Variants in KLHL2 observed in about 807,000 individuals in gnomAD.
The protein encoded by KLHL2 is kelch like family member 2.
Under a neutral mutation model 75.8 loss-of-function variants are expected in KLHL2, and 15 were observed. The observed-to-expected ratio is 0.20, with a 90% CI of 0.13 to 0.30. The LOEUF (loss-of-function observed/expected upper bound fraction) is 0.30, where lower values mean the gene tolerates loss of function less well. Ranked by LOEUF, KLHL2 falls within the 10% of genes least tolerant of loss-of-function variation. The pLI is 1.00. For missense variants in KLHL2, 381 were observed against 741.0 expected, an observed-to-expected ratio of 0.51 and a Z score of 5.64; for synonymous variants, 214 against 251.9, an observed-to-expected ratio of 0.85 and a Z score of 1.42.
chr4:165,301,663 T>C (rs1305731879), intron 8 of KLHL2, among the ~76,000 whole-genome samples: 1 of 152,262 alleles, frequency 6.6e-6, no homozygotes, highest in Non-Finnish European at 1.5e-5. Context: ...TTGTTCAGTC[T>C]TGGCAGTGAG....
intron 4 of KLHL2, among the ~76,000 whole-genome samples, chr4:165,259,165 C>T (rs1000770318): frequency 5.3e-5 from 8 of 151,668 alleles, no homozygotes; most frequent in African/African-American, 1.9e-4. Context: ...TACAGTGGTC[C>T]GATCTTGGCT....
intron 1 of KLHL2, among the ~76,000 whole-genome samples, chr4:165,211,367 G>A (rs138953701): frequency 0.021 from 3,219 of 152,226 alleles, 93 homozygotes; most frequent in African/African-American, 0.072. Flanking sequence ...AAAAAACTTA[G>A]CCTTATGAAA....
intron 3 of KLHL2, among the ~76,000 whole-genome samples, chr4:165,234,212 A>C (rs1042004172): frequency 1.3e-5 from 2 of 152,252 alleles, no homozygotes; most frequent in African/African-American, 4.8e-5. Flanking sequence ...GGCCACCCAG[A>C]TCAGCTTGCC....
intron 5 of KLHL2, among the ~76,000 whole-genome samples, chr4:165,272,692 A>G (rs1434297127): frequency 6.6e-6 from 1 of 152,014 alleles, no homozygotes; most frequent in Non-Finnish European, 1.5e-5. Flanking sequence ...AGTTTTGCTT[A>G]TATCAGAAGC....
chr4:165,303,317 ATCAAAAAAT>A (rs1020312075), intron 8 of KLHL2, among the ~76,000 whole-genome samples: 5 of 152,180 alleles, frequency 3.3e-5, no homozygotes, highest in Non-Finnish European at 2.9e-5. Flanking sequence ...AGTGTTATTT[ATCAAAAAAT>A]TTAAAAAATG....
intron 14 of KLHL2, among the ~76,000 whole-genome samples, chr4:165,318,305 C>T (rs1746726712): frequency 6.6e-6 from 1 of 152,120 alleles, no homozygotes; most frequent in African/African-American, 2.4e-5. Context: ...GGATAGGATT[C>T]CTACATCTCC....
chr4:165,230,736 G>A (rs1391818740), intron 3 of KLHL2, among the ~76,000 whole-genome samples: 2 of 152,168 alleles, frequency 1.3e-5, no homozygotes, highest in Non-Finnish European at 2.9e-5. Flanking sequence ...TGGATGCTAG[G>A]TGGAGATAGG....
At chr4:165,264,632 G>GTA (rs1337698993) in intron 5 of KLHL2, among the ~76,000 whole-genome samples, 1 of 124,798 alleles carries the variant, frequency 8.0e-6, no homozygotes, top group African/African-American at 3.1e-5. Flanking sequence ...GTATATACAC[G>GTA]TATATATGTA....
chr4:165,248,010 A>G (rs1560766908), intron 4 of KLHL2, among the ~76,000 whole-genome samples: 1 of 152,362 alleles, frequency 6.6e-6, no homozygotes, highest in Non-Finnish European at 1.5e-5. Context: ...AAGTATGCCA[A>G]AGCTCAGTGG....
intron 8 of KLHL2, among the ~76,000 whole-genome samples, chr4:165,302,646 C>G (rs973023877): frequency 4.6e-5 from 7 of 151,902 alleles, no homozygotes; most frequent in Non-Finnish European, 2.9e-5. Flanking sequence ...TAGCTTTTCT[C>G]TTTGGAATCT....
At chr4:165,246,099 G>T (rs559244190) in intron 4 of KLHL2, among the ~76,000 whole-genome samples, 1 of 152,156 alleles carries the variant, frequency 6.6e-6, no homozygotes, top group Non-Finnish European at 1.5e-5. Flanking sequence ...TTATTCTCTG[G>T]GGAGGAGTCA....
At chr4:165,216,745 T>C (rs1321632499) in intron 1 of KLHL2, among the ~76,000 whole-genome samples, 4 of 152,148 alleles carry the variant, frequency 2.6e-5, no homozygotes, top group Non-Finnish European at 5.9e-5. Flanking sequence ...GAATGGAAAT[T>C]TATGGAAAGG....
chr4:165,281,751 G>A (rs1387818852), intron 5 of KLHL2, among the ~76,000 whole-genome samples: 1 of 152,148 alleles, frequency 6.6e-6, no homozygotes, highest in Non-Finnish European at 1.5e-5. Flanking sequence ...GTTCATTATA[G>A]AAGGAATGGA....
intron 4 of KLHL2, 97 bp from the exon 5 acceptor site, chr4:165,263,100 A>G (rs1741831676): frequency 9.1e-7 from 1 of 1,096,572 alleles, no homozygotes; most frequent in Non-Finnish European, 1.3e-6. Context: ...CGCAGATAAT[A>G]AACTATGGCT....
At chr4:165,241,541 T>G (rs2111115932) in intron 4 of KLHL2, among the ~76,000 whole-genome samples, 1 of 152,306 alleles carries the variant, frequency 6.6e-6, no homozygotes, top group African/African-American at 2.4e-5. Context: ...GGTGGTGGTA[T>G]ATTTTTCTCA....
At chr4:165,315,271 G>A (rs1310383455) in intron 13 of KLHL2, among the ~76,000 whole-genome samples, 1 of 152,070 alleles carries the variant, frequency 6.6e-6, no homozygotes, top group Non-Finnish European at 1.5e-5. Flanking sequence ...TTCTCTATAT[G>A]TGTTTATTGT....
intron 4 of KLHL2, among the ~76,000 whole-genome samples, chr4:165,259,476 T>G (rs577940851): frequency 2.2e-4 from 33 of 152,340 alleles, no homozygotes; most frequent in African/African-American, 7.5e-4. Context: ...ATTATGCACA[T>G]TTTGGTTAGT....
chr4:165,295,021 G>C (rs191610701), intron 6 of KLHL2, among the ~76,000 whole-genome samples: 2 of 152,108 alleles, frequency 1.3e-5, no homozygotes, highest in Admixed American at 6.6e-5. Context: ...CTGCCTCCCT[G>C]ACTCTCTCCC....
At chr4:165,292,789 A>T (rs1027198065) in intron 5 of KLHL2, among the ~76,000 whole-genome samples, 1 of 152,138 alleles carries the variant, frequency 6.6e-6, no homozygotes, top group Non-Finnish European at 1.5e-5. Context: ...AAACAGTTTT[A>T]TAAACTCTAT....
Sources: gnomAD v4.1 joint callset for allele counts (sites outside exome capture counted in the v4.1 genomes callset) on GRCh38, gnomAD v4.1.1 for gene constraint, MANE v1.5 for transcripts, NCBI Gene and HGNC (gene_info 2026-07-23, HGNC 2026-07-21) for gene names.